The following TMEM132C variants were observed in gnomAD, a reference collection of about 807,000 sequenced individuals.
The protein encoded by TMEM132C is transmembrane protein 132C.
TMEM132C carries 29 observed loss-of-function variants against 61.4 expected under a neutral mutation model. That is an observed-to-expected ratio of 0.47 (90% CI 0.35 to 0.64). The LOEUF is 0.64. Ranked by LOEUF, TMEM132C falls within the 30% of genes least tolerant of loss-of-function variation. The pLI is 0.00. For missense variants in TMEM132C, 1,408 were observed against 1,476.9 expected, an observed-to-expected ratio of 0.95 and a Z score of 0.76; for synonymous variants, 656 against 633.1, an observed-to-expected ratio of 1.04 and a Z score of -0.54.
rs1868761273 is a variant in TMEM132C, at chr12:128,415,767, C to T, written c.974+147C>T. 1.1e-6 allele frequency: 1 copy of T among 908,718 alleles called. No homozygotes were observed. The highest frequency in any genetic ancestry group is 1.7e-5 in the African/African-American group (1 of 59,670). 56.3% of individuals were successfully genotyped at this position (908,718 alleles called of 1,614,324 possible). A position where few individuals can be genotyped will look rare whatever the true frequency, so the allele number is the denominator to read the frequency against. ...TTAACAGGGGAAGGCAAATTATGCA[C>T]CTGCCCACATGCTCTCAACAGCCCT... On this transcript the variant is annotated intron_variant, in intron 2 of 8. Coordinates refer to ENST00000435159, the MANE Select transcript of TMEM132C (RefSeq NM_001136103.3). This position sits in a 1 kb window ranked among gnomAD's most constrained non-coding sequence, Gnocchi z 5.8.
intron 2 of TMEM132C, among the ~76,000 whole-genome samples, chr12:128,487,690 C>A (rs1174649064): frequency 1.3e-5 from 2 of 151,406 alleles, no homozygotes; most frequent in South Asian, 2.1e-4. Context: ...CTTAAGTGCC[C>A]CATGTAATCA....
At chr12:128,329,656 G>A (rs1453884800) in intron 1 of TMEM132C, among the ~76,000 whole-genome samples, 1 of 152,086 alleles carries the variant, frequency 6.6e-6, no homozygotes, top group Non-Finnish European at 1.5e-5. Flanking sequence ...GCGGAGGTCT[G>A]GCCGTGCTGC....
At chr12:128,522,394 C>T (rs1010112069) in intron 2 of TMEM132C, among the ~76,000 whole-genome samples, 1 of 152,200 alleles carries the variant, frequency 6.6e-6, no homozygotes, top group Non-Finnish European at 1.5e-5. Context: ...AGATTGCTAG[C>T]CCGGCACTCT....
intron 2 of TMEM132C, among the ~76,000 whole-genome samples, chr12:128,423,275 G>T (rs1445602040): frequency 6.6e-6 from 1 of 152,110 alleles, no homozygotes; most frequent in Non-Finnish European, 1.5e-5. Context: ...TCCTAGCTGT[G>T]GGGTATGGGG....
At chr12:128,534,636 A>G (rs1212835930) in intron 2 of TMEM132C, among the ~76,000 whole-genome samples, 1 of 152,180 alleles carries the variant, frequency 6.6e-6, no homozygotes, top group Non-Finnish European at 1.5e-5. Flanking sequence ...AGGCATCCTC[A>G]GTGTTTACCG....
At chr12:128,642,009 A>C (rs1441856524) in intron 4 of TMEM132C, among the ~76,000 whole-genome samples, 1 of 140,798 alleles carries the variant, frequency 7.1e-6, no homozygotes, top group Non-Finnish European at 1.5e-5. Context: ...GGGTTTCACC[A>C]TGTTGGTCAG....
chr12:128,544,090 A>C lies in TMEM132C; in HGVS notation c.1108A>C (p.Ser370Arg). Residue 370 changes from serine (S) to arginine (R), a missense_variant, in exon 3 of 9, where the codon AGC becomes CGC. Transcript: ENST00000435159. ...ATVACQRLGP[S>R]PRNRSSSLFN... The stretch of plus-strand genomic sequence containing the variant: ...CGTGGCCTGCCAGCGCCTGGGGCCC[A>C]GCCCACGCAACAGGTAAGCGGTGCC... The C allele has an allele frequency of 6.5e-7, 1 of 1,538,214 alleles. No individual in the cohort carries two copies. Among genetic ancestry groups the C allele is most frequent in the Non-Finnish European group, 8.8e-7 (1 of 1,140,660 alleles).
Position 128,278,468 on chromosome 12 carries a change from G to C in TMEM132C, c.85+10981G>C, listed in dbSNP as rs1870763701. ...TGGGATCTCTCACTGCCTTCTCCTG[G>C]TCAGTTGTCTCCCTGGCCATGTCCT... On this transcript the variant is annotated intron_variant, in intron 1 of 8. Coordinates refer to ENST00000435159, the MANE Select transcript of TMEM132C (RefSeq NM_001136103.3). This position sits in a 1 kb window ranked among gnomAD's most constrained non-coding sequence, Gnocchi z 4.2. Among the ~76,000 whole-genome samples, 1 of 152,066 alleles carries C rather than the reference G, an allele frequency of 6.6e-6. No individual in the cohort carries two copies. Among genetic ancestry groups the C allele is most frequent in the South Asian group, 2.1e-4 (1 of 4,816 alleles).
At chr12:128,452,219 C>G (rs965477829) in intron 2 of TMEM132C, among the ~76,000 whole-genome samples, 2 of 151,822 alleles carry the variant, frequency 1.3e-5, no homozygotes, top group Non-Finnish European at 2.9e-5. Flanking sequence ...CTCAGGCTCC[C>G]GAGTAATAGC....
In TMEM132C at chr12:128,415,404, G is replaced by C. The variant is rs1024188659; in HGVS notation, c.758G>C (p.Arg253Pro). ...GGDFRKGNAI[R>P]PGKDGLEETT... is the part of the protein sequence containing the mutation. ...GACTTCAGGAAGGGCAACGCCATCC[G>C]TCCAGGAAAGGATGGGCTGGAGGAA... The change falls in exon 2 of 9, where the codon CGT becomes CCT. Residue 253 changes from arginine to proline, a missense_variant. Arg to Pro is a moderately radical substitution (Grantham distance 103). Transcript: ENST00000435159. The surrounding 1 kb of genome is among the most constrained non-coding windows in gnomAD (Gnocchi z 5.8). 6.4e-7 allele frequency: 1 copy of C among 1,551,076 alleles called. No homozygotes were observed. The highest frequency in any genetic ancestry group is 1.4e-5 in the African/African-American group (1 of 73,048).
At position 128,547,238 on chromosome 12, in the gene TMEM132C, G is replaced by A. The variant is rs574573480; in HGVS notation, c.1121+3135G>A. Among the ~76,000 whole-genome samples the A allele has an allele frequency of 7.2e-5, 11 of 152,218 alleles. No homozygotes were observed. The East Asian group carries it at 2.1e-3, about 29-fold the overall frequency. ...GTATCTGAAGCCTCATTGGCACTGA[G>A]CCCCACCAAGGCCATGACTGTGGCT... On this transcript the variant is annotated intron_variant, in intron 3 of 8. Transcript: ENST00000435159.
intron 3 of TMEM132C, among the ~76,000 whole-genome samples, chr12:128,614,221 C>T (rs1876726016): frequency 6.6e-6 from 1 of 152,198 alleles, no homozygotes; most frequent in African/African-American, 2.4e-5. Context: ...CTAGCCAATA[C>T]TGGCAAAAGT....
intron 1 of TMEM132C, among the ~76,000 whole-genome samples, chr12:128,365,736 C>CA (rs1873845390): frequency 6.6e-6 from 1 of 152,158 alleles, no homozygotes; most frequent in Admixed American, 6.5e-5. Flanking sequence ...TCCCTGCCCC[C>CA]ACAGTTGTGC....
At chr12:128,692,491 A>G (rs762356189) in intron 5 of TMEM132C, among the ~76,000 whole-genome samples, 16 of 152,246 alleles carry the variant, frequency 1.1e-4, no homozygotes, top group Non-Finnish European at 1.9e-4. Flanking sequence ...TTGTTTCTCT[A>G]TAACCCAACT....
intron 5 of TMEM132C, among the ~76,000 whole-genome samples, chr12:128,681,817 ATTTTTTTTTTTTTT>A (rs35154554): frequency 1.2e-5 from 1 of 86,478 alleles, no homozygotes; most frequent in Non-Finnish European, 2.1e-5. Context: ...CCACGCCTGG[ATTTTTTTTTTTTTT>A]TTTTTTTTTT....
chr12:128,425,966 A>AT (rs1869168701), intron 2 of TMEM132C, among the ~76,000 whole-genome samples: 2 of 152,236 alleles, frequency 1.3e-5, no homozygotes, highest in South Asian at 4.2e-4. Context: ...TTTGATGTGA[A>AT]TTTGGGGGTG....
At chr12:128,531,702 C>T (rs983778851) in intron 2 of TMEM132C, among the ~76,000 whole-genome samples, 2 of 152,236 alleles carry the variant, frequency 1.3e-5, no homozygotes, top group African/African-American at 4.8e-5. Flanking sequence ...TCTGTGCTTC[C>T]TCATTTCCTA....
At chr12:128,487,177 A>G (rs1312303435) in intron 2 of TMEM132C, among the ~76,000 whole-genome samples, 1 of 152,140 alleles carries the variant, frequency 6.6e-6, no homozygotes, top group Non-Finnish European at 1.5e-5. Context: ...CTGCTATGCT[A>G]TGGCAGAGTG....
intron 3 of TMEM132C, among the ~76,000 whole-genome samples, chr12:128,601,316 G>T (rs766730016): frequency 6.6e-6 from 1 of 152,156 alleles, no homozygotes; most frequent in Non-Finnish European, 1.5e-5. Flanking sequence ...TGTGACTGTC[G>T]GGGCACTCGG....
Sources: allele counts gnomAD v4.1 joint callset (sites outside exome capture counted in the v4.1 genomes callset), GRCh38; gene constraint gnomAD v4.1.1; non-coding constraint Gnocchi (gnomAD v3.1); transcripts MANE v1.5; gene names NCBI Gene and HGNC (gene_info 2026-07-23, HGNC 2026-07-21).